PPIC: variants seen among roughly 807,000 people sequenced by gnomAD.
PPIC encodes the protein peptidyl-prolyl cis-trans isomerase C.
Under a neutral mutation model 19.5 loss-of-function variants are expected in PPIC, and 19 were observed. The ratio of observed to expected loss-of-function variants is 0.98; its 90% CI spans 0.68 to 1.43. The LOEUF (loss-of-function observed/expected upper bound fraction) is 1.43, where lower values mean the gene tolerates loss of function less well. Ranked by LOEUF, PPIC falls within the 40% of genes most tolerant of loss-of-function variation. The pLI, the probability that PPIC is intolerant of heterozygous loss-of-function variation, is 0.00. For missense variants in PPIC, 268 were observed against 268.6 expected (o/e 1.00, Z 0.02); for synonymous variants, 107 against 101.2 (o/e 1.06, Z -0.34).
At chr5:123,031,997 A>G (rs956645804) in intron 1 of PPIC, among the ~76,000 whole-genome samples, 1 of 152,154 alleles carries the variant, frequency 6.6e-6, no homozygotes, top group African/African-American at 2.4e-5. Flanking sequence ...GGGTTTCGCC[A>G]TATTGGCCAG....
rs202140523 is a variant in PPIC at position 123,024,051 on chromosome 5, T to C, written c.511-48A>G. ...ATGGTTTAATTCTGACCAGCAGCTA[T>C]AGCAATCCAAAGGTTAAACCAAAGC... On this transcript the variant is annotated intron_variant, in intron 4 of 4. Transcript: ENST00000306442. 5 of 1,580,874 alleles carry C rather than the reference T, an allele frequency of 3.2e-6. No homozygotes were observed. In the Admixed American group the frequency reaches 8.9e-5, roughly 28 times the overall value.
chr5:123,025,680 T>C, intron 4 of PPIC, 104 bp downstream of exon 4: 2 of 1,202,388 alleles, frequency 1.7e-6, no homozygotes, highest in South Asian at 2.8e-5. Context: ...CAGTCAGCTA[T>C]ATAATGGATC....
At chr5:123,030,346 G>A (rs1762925916) in intron 1 of PPIC, among the ~76,000 whole-genome samples, 2 of 152,172 alleles carry the variant, frequency 1.3e-5, no homozygotes, top group African/African-American at 4.8e-5. Flanking sequence ...CGCTTGAAAA[G>A]GCCACAGAGT....
rs1763021545 is a variant in PPIC, at chr5:123,036,687, C to CT, written c.-63dup. 7.1e-7 allele frequency: 1 copy of CT among 1,405,932 alleles called. No homozygotes were observed. The highest frequency in any genetic ancestry group is 1.5e-5 in the African/African-American group (1 of 68,940). The allele number at this position is 1,405,932 out of a possible 1,614,324, so 87.1% of individuals were successfully genotyped here. ...TACCGGCACGGGCGCGACACAGGCT[C>CT]TGGGACAGCTGACGGGACTGCCGGC... On this transcript the variant is annotated 5_prime_UTR_variant, in exon 1 of 5. Transcript: ENST00000306442. The surrounding 1 kb of genome is among the most constrained non-coding windows in gnomAD (Gnocchi z 4.5).
intron 4 of PPIC, among the ~76,000 whole-genome samples, chr5:123,025,000 T>G (rs960537279): frequency 6.6e-6 from 1 of 152,236 alleles, no homozygotes; most frequent in Non-Finnish European, 1.5e-5. Context: ...GCTTTGACAT[T>G]CTTTGAGACC....
rs769810793 is a variant in PPIC at position 123,023,998 on chromosome 5, C to CAAGCA, written c.515_516insTGCTT (p.Val173AlafsTer6). On this transcript the variant is annotated frameshift_variant, in exon 5 of 5. Transcript: ENST00000306442. LOFTEE classifies it high-confidence loss of function. Reference sequence around the variant, plus strand: ...TTGCTTGGAGCTCTATGGAGTGCACCACTGTCTGGTGAGAGAAAAGTAGAC... The same window carrying CAAGCA: ...TTGCTTGGAGCTCTATGGAGTGCACCAAGCAACTGTCTGGTGAGAGAAAAGTAGAC... 2 of 1,612,434 alleles carry CAAGCA rather than the reference C, an allele frequency of 1.2e-6. No individual in the cohort carries two copies. The highest frequency in any genetic ancestry group is 3.3e-5 in the Admixed American group (2 of 59,838).
chr5:123,034,766 T>C (rs994535615), intron 1 of PPIC, among the ~76,000 whole-genome samples: 3 of 152,146 alleles, frequency 2.0e-5, no homozygotes, highest in Non-Finnish European at 4.4e-5. Flanking sequence ...CGTCAGCAAC[T>C]CCTGTTAGTT....
Position 123,029,418 on chromosome 5 carries a change from C to T in PPIC, c.118G>A (p.Val40Ile). Reference protein sequence around the residue: ...RKRGPSVTAKVFFDVRIGDKD... With the variant: ...RKRGPSVTAKIFFDVRIGDKD... ...TCTCCAATCCTCACATCAAAGAAGA[C>T]CTGTGTGCAGTTGAAAGGCAAAGTG... The change falls in exon 2 of 5, where the codon GTC (valine) becomes ATC (isoleucine). Residue 40 changes from valine (V) to isoleucine (I), a missense_variant and splice_region_variant. Transcript: ENST00000306442. 1 of 1,581,674 alleles carries T rather than the reference C, an allele frequency of 6.3e-7. No individual in the cohort carries two copies. Among genetic ancestry groups the T allele is most frequent in the Non-Finnish European group, 8.6e-7 (1 of 1,163,368 alleles).
At chr5:123,029,772 C>A (rs1200656522) in intron 1 of PPIC, among the ~76,000 whole-genome samples, 1 of 152,148 alleles carries the variant, frequency 6.6e-6, no homozygotes, top group African/African-American at 2.4e-5. Flanking sequence ...CATTTCCTGG[C>A]TTTATGGATG....
chr5:123,036,333 G>C lies in PPIC; in HGVS notation c.117+176C>G. Reference sequence around the variant, plus strand: ...GCTCCCCCAGGGTCTCCCCCGGAGCGCCGGCCTCCCAGCACGCGAGCAGCC... The same window carrying C: ...GCTCCCCCAGGGTCTCCCCCGGAGCCCCGGCCTCCCAGCACGCGAGCAGCC... On this transcript the variant is annotated intron_variant, in intron 1 of 4. Coordinates refer to ENST00000306442, the MANE Select transcript of PPIC (RefSeq NM_000943.5). This position sits in a 1 kb window ranked among gnomAD's most constrained non-coding sequence, Gnocchi z 4.5. 1 of 612,272 alleles carries C rather than the reference G, an allele frequency of 1.6e-6. No homozygotes were observed. The highest frequency in any genetic ancestry group is 2.9e-6 in the Non-Finnish European group (1 of 349,638). 37.9% of individuals were successfully genotyped at this position (612,272 alleles called of 1,614,324 possible).
chr5:123,024,066 TA>T lies in PPIC; in HGVS notation c.511-64del, dbSNP rs199980481. The T allele has an allele frequency of 1.6e-3, 2,466 of 1,540,116 alleles. 40 individuals are homozygous for T. In the African/African-American group the frequency reaches 0.03, roughly 19 times the overall value. On this transcript the variant is annotated intron_variant, in intron 4 of 4. Coordinates refer to ENST00000306442, the MANE Select transcript of PPIC (RefSeq NM_000943.5). ...CCAGCAGCTATAGCAATCCAAAGGT[TA>T]AACCAAAGCCAACTCCAAAAGCCCA...
chr5:123,028,707 G>A, intron 3 of PPIC, 68 bp downstream of exon 3: 1 of 1,272,874 alleles, frequency 7.9e-7, no homozygotes, highest in East Asian at 2.4e-5. Context: ...AACAGACTGG[G>A]TTCATATACT....
At chr5:123,026,534 T>C (rs979445612) in intron 3 of PPIC, among the ~76,000 whole-genome samples, 5 of 152,178 alleles carry the variant, frequency 3.3e-5, no homozygotes, top group African/African-American at 9.7e-5. Context: ...AACTTGAAAA[T>C]AGCAGAGCAG....
chr5:123,026,352 T>C (rs1367748552), intron 3 of PPIC, among the ~76,000 whole-genome samples: 2 of 152,134 alleles, frequency 1.3e-5, no homozygotes. Context: ...TGCACCTGTT[T>C]CCTGAGGCTC....
chr5:123,028,703 C>G, intron 3 of PPIC, 72 bp downstream of exon 3: 2 of 1,229,316 alleles, frequency 1.6e-6, no homozygotes, highest in Non-Finnish European at 1.2e-6. Flanking sequence ...TTTCAACAGA[C>G]TGGGTTCATA....
At chr5:123,028,669 A>G (rs1282934298) in intron 3 of PPIC, 106 bp downstream of exon 3, 1 of 872,198 alleles carries the variant, frequency 1.1e-6, no homozygotes, top group Non-Finnish European at 1.8e-6. Flanking sequence ...AGTCGTCTTT[A>G]CAACTGTGTT....
intron 1 of PPIC, among the ~76,000 whole-genome samples, chr5:123,034,082 C>T (rs576500128): frequency 1.4e-4 from 22 of 152,320 alleles, no homozygotes; most frequent in South Asian, 2.1e-4. Flanking sequence ...CTCTTATTTA[C>T]AGATTCCTAT....
rs1561756055 is a variant in PPIC, at chr5:123,036,468, GC to G, written c.117+40del. On this transcript the variant is annotated intron_variant, in intron 1 of 4. Transcript: ENST00000306442. This position sits in a 1 kb window ranked among gnomAD's most constrained non-coding sequence, Gnocchi z 4.5. ...GTATCCAAAGCGCCCCCAGGGCCCC[GC>G]CCGCAACAGGGGAAGTTGCAGCCCG... The G allele has an allele frequency of 1.9e-6, 3 of 1,557,810 alleles. No homozygotes were observed. Among genetic ancestry groups the G allele is most frequent in the Non-Finnish European group, 8.8e-7 (1 of 1,140,436 alleles).
intron 1 of PPIC, among the ~76,000 whole-genome samples, chr5:123,034,864 A>G (rs1762984414): frequency 6.6e-6 from 1 of 152,218 alleles, no homozygotes; most frequent in Admixed American, 6.5e-5. Flanking sequence ...GGACTCTGGC[A>G]TGGTGCCCTG....
Sources: gnomAD v4.1 joint callset for allele counts (sites outside exome capture counted in the v4.1 genomes callset) on GRCh38, gnomAD v4.1.1 for gene constraint, Gnocchi (gnomAD v3.1) non-coding constraint, MANE v1.5 for transcripts, NCBI Gene and HGNC (gene_info 2026-07-23, HGNC 2026-07-21) for gene names.